The following CDKL5 variants were observed in gnomAD, a reference collection of about 807,000 sequenced individuals.
CDKL5 encodes the protein cyclin dependent kinase like 5, also known as cyclin-dependent kinase-like 5.
A neutral mutation model predicts 61.7 loss-of-function variants in CDKL5; 8 were observed. The observed-to-expected ratio is 0.13, with a 90% confidence interval of 0.08 to 0.23. The LOEUF (loss-of-function observed/expected upper bound fraction) is 0.23, where lower values mean the gene tolerates loss of function less well. Among genes scored for constraint, CDKL5 ranks in the 10% least tolerant of loss-of-function variants. CDKL5 has a pLI of 1.00. For synonymous variants in CDKL5, 275 were observed against 272.3 expected (o/e 1.01, Z -0.10); for missense variants, 440 against 734.5 (o/e 0.60, Z 4.63).
intron 15 of CDKL5, among the ~76,000 whole-genome samples, chrX:18,617,233 G>A (rs145654568): frequency 5.4e-5 from 6 of 111,691 alleles, no homozygotes; most frequent in Admixed American, 9.5e-5. Flanking sequence ...CTGTGTGCCT[G>A]CTTACCACTT....
intron 3 of CDKL5, among the ~76,000 whole-genome samples, chrX:18,548,806 A>C (rs1284827034): frequency 3.6e-5 from 4 of 112,180 alleles, no homozygotes; most frequent in African/African-American, 9.7e-5. Flanking sequence ...ACAGAAACAA[A>C]TTGCTGTTTG....
chrX:18,522,580 C>T (rs1373356342), intron 3 of CDKL5, among the ~76,000 whole-genome samples: 2 of 107,873 alleles, frequency 1.9e-5, no homozygotes, highest in South Asian at 4.1e-4. Context: ...CTTGGCCTCA[C>T]GTAATCCACC....
chrX:18,556,840 G>A (rs1441263072), intron 3 of CDKL5, among the ~76,000 whole-genome samples: 1 of 81,701 alleles, frequency 1.2e-5, no homozygotes, highest in African/African-American at 5.0e-5. Flanking sequence ...CCGAGACCAC[G>A]CCACTGCACT....
chrX:18,635,158 A>G lies in CDKL5; in HGVS notation c.*6401A>G. ...CACAAGTGAATTATGAACCATTTGT[A>G]AAGTGTTTCTATAACTCTTTGTATC... On this transcript the variant is annotated 3_prime_UTR_variant, in exon 18 of 18. Coordinates refer to ENST00000623535, the MANE Select transcript of CDKL5 (RefSeq NM_001323289.2). The G allele has an allele frequency of 1.3e-6, 1 of 750,723 alleles. No homozygotes were observed. 61.9% of individuals were successfully genotyped at this position (750,723 alleles called of 1,213,427 possible).
chrX:18,536,590 C>T (rs1322527523), intron 3 of CDKL5, among the ~76,000 whole-genome samples: 2 of 107,696 alleles, frequency 1.9e-5, no homozygotes, highest in Admixed American at 1.0e-4. Context: ...GGATTATAGA[C>T]GTGCGCCACC....
At chrX:18,555,670 T>C (rs1319025245) in intron 3 of CDKL5, among the ~76,000 whole-genome samples, 1 of 112,498 alleles carries the variant, frequency 8.9e-6, no homozygotes, top group Admixed American at 9.4e-5. Flanking sequence ...ACACTTGTTA[T>C]ACTTTTTAGC....
rs778520461 is a variant in CDKL5, at chrX:18,628,771, G to C, written c.*14G>C. 96 of 1,106,235 alleles carry C rather than the reference G, an allele frequency of 8.7e-5. No individual in the cohort carries two copies. Among genetic ancestry groups the C allele is most frequent in the East Asian group, 3.0e-4 (9 of 30,237 alleles). The allele number at this position is 1,106,235 out of a possible 1,213,427, so 91.2% of individuals were successfully genotyped here. A position where few individuals can be genotyped will look rare whatever the true frequency, so the allele number is the denominator to read the frequency against. On this transcript the variant is annotated 3_prime_UTR_variant, in exon 18 of 18. Coordinates refer to ENST00000623535, the MANE Select transcript of CDKL5 (RefSeq NM_001323289.2). ...ACAGCCTTGTAATTTGTGCTGGTAG[G>C]GGGGAGGGGTGGACAGACAAGCCAG...
chrX:18,554,182 A>G (rs1924510096), intron 3 of CDKL5, among the ~76,000 whole-genome samples: 1 of 107,458 alleles, frequency 9.3e-6, no homozygotes, highest in Admixed American at 1.0e-4. Context: ...CGTCATTTAC[A>G]TTAGGTATAT....
intron 1 of CDKL5, among the ~76,000 whole-genome samples, chrX:18,439,898 TTA>T (rs2147623565): frequency 9.3e-6 from 1 of 107,640 alleles, no homozygotes; most frequent in African/African-American, 3.4e-5. Flanking sequence ...TGCAATAACA[TTA>T]TGTCTAAAAA....
intron 9 of CDKL5, among the ~76,000 whole-genome samples, chrX:18,591,346 A>G (rs1176724270): frequency 2.7e-5 from 3 of 111,968 alleles, no homozygotes; most frequent in South Asian, 3.7e-4. Flanking sequence ...TACCATATCC[A>G]GTGAGTATTC....
intron 5 of CDKL5, among the ~76,000 whole-genome samples, chrX:18,578,760 C>T (rs1447139111): frequency 8.9e-6 from 1 of 111,827 alleles, no homozygotes; most frequent in Non-Finnish European, 1.9e-5. Context: ...AGCAGAAGGG[C>T]TTTATGTGCA....
At position 18,636,914 on chromosome X, in the gene CDKL5, A is replaced by T. The variant is rs892300269; in HGVS notation, c.*8157A>T. The T allele has an allele frequency of 8.9e-6, 1 of 112,245 alleles. No individual in the cohort carries two copies. The highest frequency in any genetic ancestry group is 9.4e-5 in the Admixed American group (1 of 10,621). 9.3% of individuals were successfully genotyped at this position (112,245 alleles called of 1,213,427 possible). A position where few individuals can be genotyped will look rare whatever the true frequency, so the allele number is the denominator to read the frequency against. On this transcript the variant is annotated 3_prime_UTR_variant, in exon 18 of 18. Coordinates refer to ENST00000623535, the MANE Select transcript of CDKL5 (RefSeq NM_001323289.2). ...GTAATTGATGCAATTTGAGAATAGA[A>T]CACTTCATTGAAACAAGTCACTGGA...
At chrX:18,644,419 G>A (rs1195987845), downstream of CDKL5, 16 of 1,207,325 alleles carry the variant, frequency 1.3e-5, no homozygotes, top group Non-Finnish European at 1.8e-5. Flanking sequence ...TTTGGGATAA[G>A]CCCAACTTAC....
rs771414171 is a variant in CDKL5, at chrX:18,560,093, T to C, written c.100-4384T>C. On this transcript the variant is annotated intron_variant, in intron 3 of 17. Coordinates refer to ENST00000623535, the MANE Select transcript of CDKL5 (RefSeq NM_001323289.2). ...ATTGTGAATAGTGCTGCAATAAACA[T>C]ACGTGTGCATGTGTCTTTATAGCAG... 7.2e-5 allele frequency among the ~76,000 whole-genome samples: 8 copies of C among 110,532 alleles called. No homozygotes were observed. The East Asian group carries it at 2.3e-3, about 32-fold the overall frequency.
chrX:18,506,800 G>A (rs1922594420), intron 1 of CDKL5, 135 bp from the exon 2 acceptor site: 2 of 238,078 alleles, frequency 8.4e-6, no homozygotes, highest in East Asian at 1.6e-4. Flanking sequence ...TCCTATTACT[G>A]TTGGTTTCTT....
chrX:18,622,942 C>T, intron 16 of CDKL5, among the ~76,000 whole-genome samples: 1 of 112,124 alleles, frequency 8.9e-6, no homozygotes. Flanking sequence ...TCCCTTTTTA[C>T]ATATACCCTT....
chrX:18,572,826 A>T (rs2147137869), intron 4 of CDKL5, among the ~76,000 whole-genome samples: 1 of 112,036 alleles, frequency 8.9e-6, no homozygotes, highest in African/African-American at 3.2e-5. Flanking sequence ...GAACAGAAGA[A>T]TTGAGTCCTG....
chrX:18,528,236 CATT>C (rs1284621157), intron 3 of CDKL5, among the ~76,000 whole-genome samples: 6 of 93,356 alleles, frequency 6.4e-5, no homozygotes, highest in Non-Finnish European at 1.3e-4. Flanking sequence ...TACCCATACT[CATT>C]TTTTTTTTTT....
At chrX:18,452,940 C>T (rs902856969) in intron 1 of CDKL5, among the ~76,000 whole-genome samples, 12 of 101,715 alleles carry the variant, frequency 1.2e-4, no homozygotes, top group African/African-American at 4.4e-4. Flanking sequence ...AAGTGATTCT[C>T]GTGCTTCAAC....
Sources: gnomAD v4.1 joint callset for allele counts (sites outside exome capture counted in the v4.1 genomes callset) on GRCh38, gnomAD v4.1.1 for gene constraint, MANE v1.5 for transcripts, NCBI Gene and HGNC (gene_info 2026-07-23, HGNC 2026-07-21) for gene names.